TCN2: variants seen among roughly 807,000 people sequenced by gnomAD.
TCN2 encodes the protein transcobalamin-2.
In TCN2, 34 loss-of-function variants were observed where a neutral mutation model predicts 48.6. That is an observed-to-expected ratio of 0.70 (90% CI 0.53 to 0.93). The LOEUF (loss-of-function observed/expected upper bound fraction) is 0.93, where lower values mean the gene tolerates loss of function less well. TCN2 is among the 40% of genes least tolerant of loss of function. The pLI is 0.00. For missense variants in TCN2, 652 were observed against 526.1 expected, an observed-to-expected ratio of 1.24 and a Z score of -2.34; for synonymous variants, 283 against 212.5, an observed-to-expected ratio of 1.33 and a Z score of -2.89.
At position 30,611,032 on chromosome 22, in the gene TCN2, C is replaced by T; in HGVS notation, c.226C>T (p.Leu76Phe). The T allele has an allele frequency of 6.2e-7, 1 of 1,614,102 alleles. No homozygotes were observed. The highest frequency in any genetic ancestry group is 8.5e-7 in the Non-Finnish European group (1 of 1,179,982). Residue 76 changes from leucine (L) to phenylalanine (F), a missense_variant, in exon 2 of 9, where the codon CTC becomes TTC. Physicochemically the swap from Leu to Phe is conservative, Grantham distance 22. Coordinates refer to ENST00000215838, the MANE Select transcript of TCN2 (RefSeq NM_000355.4). ...CAAGGAAGACCTCTACCTGCACAGCCTCAAGCTTGGTTACCAGCAGTGCCT... is the reference window on the plus strand; with the variant it reads ...CAAGGAAGACCTCTACCTGCACAGCTTCAAGCTTGGTTACCAGCAGTGCCT... Reference protein sequence around the residue: ...GTKEDLYLHSLKLGYQQCLLG... With the variant: ...GTKEDLYLHSFKLGYQQCLLG...
At chr22:30,620,831 G>A (rs1223133792) in intron 7 of TCN2, among the ~76,000 whole-genome samples, 1 of 152,208 alleles carries the variant, frequency 6.6e-6, no homozygotes, top group East Asian at 1.9e-4. Flanking sequence ...TGAATGCACA[G>A]CAGAGAAAGC....
chr22:30,626,855 T>C lies in TCN2; in HGVS notation c.*334T>C. On this transcript the variant is annotated 3_prime_UTR_variant, in exon 9 of 9. Coordinates refer to ENST00000215838, the MANE Select transcript of TCN2 (RefSeq NM_000355.4). ...AAAAACGGAGTCCGCAGGCCGCAGG[T>C]GTTGTGAAGACCACTCGTTCTGTGG... 2 of 435,182 alleles carry C rather than the reference T, an allele frequency of 4.6e-6. No individual in the cohort carries two copies. Among genetic ancestry groups the C allele is most frequent in the Non-Finnish European group, 4.3e-6 (1 of 232,302 alleles). 27.0% of individuals were successfully genotyped at this position (435,182 alleles called of 1,614,324 possible).
At chr22:30,612,063 C>T (rs955604001) in intron 2 of TCN2, among the ~76,000 whole-genome samples, 1 of 151,668 alleles carries the variant, frequency 6.6e-6, no homozygotes, top group Non-Finnish European at 1.5e-5. Context: ...ATAGTGAGAC[C>T]ACATCTCTTA....
At position 30,623,022 on chromosome 22, in the gene TCN2, A is replaced by G. The variant is rs939944340; in HGVS notation, c.1161A>G (p.Lys387=). The G allele has an allele frequency of 6.2e-7, 1 of 1,614,002 alleles. No individual in the cohort carries two copies. Among genetic ancestry groups the G allele is most frequent in the Non-Finnish European group, 8.5e-7 (1 of 1,180,004 alleles). ...SGPYLTSVMG[K]AAGEREFWQL... is the part of the protein sequence containing the mutation. Reference sequence around the variant, plus strand: ...CCTACTTAACCTCCGTGATGGGGAAAGCGGCCGGAGAAAGGGAGTTCTGGC... The same window carrying G: ...CCTACTTAACCTCCGTGATGGGGAAGGCGGCCGGAGAAAGGGAGTTCTGGC... Residue 387 remains lysine (K), a synonymous_variant, in exon 8 of 9, where the codon AAA becomes AAG. Coordinates refer to ENST00000215838, the MANE Select transcript of TCN2 (RefSeq NM_000355.4).
At chr22:30,613,664 C>T (rs1300190090) in intron 3 of TCN2, among the ~76,000 whole-genome samples, 1 of 152,178 alleles carries the variant, frequency 6.6e-6, no homozygotes, top group Non-Finnish European at 1.5e-5. Flanking sequence ...TTATGACTTA[C>T]GCCATAGTCT....
intron 6 of TCN2, among the ~76,000 whole-genome samples, chr22:30,616,335 T>A (rs1234099286): frequency 6.6e-6 from 1 of 151,838 alleles, no homozygotes; most frequent in Non-Finnish European, 1.5e-5. Flanking sequence ...TACAAAAAAG[T>A]AGCTGGGTGT....
At chr22:30,611,320 CTT>C (rs1491426442) in intron 2 of TCN2, among the ~76,000 whole-genome samples, 6 of 151,652 alleles carry the variant, frequency 4.0e-5, no homozygotes, top group Admixed American at 1.3e-4. Flanking sequence ...TGACTATACT[CTT>C]TGATGATGAG....
At chr22:30,613,107 A>C in intron 3 of TCN2, 65 bp downstream of exon 3, 1 of 1,581,382 alleles carries the variant, frequency 6.3e-7, no homozygotes, top group Non-Finnish European at 8.6e-7. Flanking sequence ...GATATTCTCC[A>C]ATGAGAATCA....
chr22:30,614,764 C>T (rs1031795145), intron 4 of TCN2, among the ~76,000 whole-genome samples: 3 of 152,126 alleles, frequency 2.0e-5, no homozygotes, highest in Admixed American at 1.3e-4. Flanking sequence ...AAAAAGTTAG[C>T]CGGGCATGGT....
chr22:30,614,939 C>T (rs976403847), intron 4 of TCN2, among the ~76,000 whole-genome samples: 1 of 152,042 alleles, frequency 6.6e-6, no homozygotes, highest in Admixed American at 6.6e-5. Context: ...AATAAAACTC[C>T]CCTAGTGATT....
At chr22:30,620,736 G>T (rs2087685359) in intron 7 of TCN2, among the ~76,000 whole-genome samples, 1 of 152,194 alleles carries the variant, frequency 6.6e-6, no homozygotes, top group South Asian at 2.1e-4. Context: ...AGACACTGTG[G>T]ACTCCAGTCT....
intron 5 of TCN2, 24 bp from the exon 6 acceptor site, chr22:30,615,577 C>G (rs376138696): frequency 1.2e-6 from 2 of 1,614,078 alleles, no homozygotes; most frequent in Non-Finnish European, 8.5e-7. Flanking sequence ...GACTTCCTCT[C>G]TCTCTTCCTC....
At chr22:30,614,624 C>T in intron 4 of TCN2, 123 bp downstream of exon 4, 1 of 1,414,458 alleles carries the variant, frequency 7.1e-7, no homozygotes, top group Admixed American at 1.9e-5. Context: ...GAATCAAGTC[C>T]TTTAGGGACG....
rs1261718498 is a variant in TCN2, at chr22:30,615,461, A to G, written c.741A>G (p.Pro247=). The G allele has an allele frequency of 3.7e-6, 6 of 1,614,038 alleles. No homozygotes were observed. The Admixed American group carries it at 5.0e-5, about 13-fold the overall frequency. ...EGHFGNVYST[P]LALQFLMTSP... The stretch of plus-strand genomic sequence containing the variant: ...ACTTTGGGAATGTCTACAGCACCCC[A>G]TTGGCATTACAGGTGGGAAAGAGAC... Residue 247 remains proline, a synonymous_variant, in exon 5 of 9, where the codon CCA becomes CCG. Transcript: ENST00000215838.
chr22:30,622,652 T>A (rs1485577800), intron 7 of TCN2, among the ~76,000 whole-genome samples: 1 of 152,156 alleles, frequency 6.6e-6, no homozygotes, highest in African/African-American at 2.4e-5. Context: ...AGCTTCTGAT[T>A]CTCATCCCCC....
In TCN2 at chr22:30,623,945, C is replaced by T. The variant is rs5753248; in HGVS notation, c.1222+862C>T. On this transcript the variant is annotated intron_variant, in intron 8 of 8. Transcript: ENST00000215838. Reference sequence around the variant, plus strand: ...ATATATGTATACATATATACACACACACATATGTATACATATATACACACA... The same window carrying T: ...ATATATGTATACATATATACACACATACATATGTATACATATATACACACA... 7.7e-3 allele frequency among the ~76,000 whole-genome samples: 245 copies of T among 31,858 alleles called. 45 individuals are homozygous for T. The highest frequency in any genetic ancestry group is 0.024 in the Middle Eastern group (2 of 84). The allele number at this position is 31,858 out of a possible 152,430, so 20.9% of individuals were successfully genotyped here. A position where few individuals can be genotyped will look rare whatever the true frequency, so the allele number is the denominator to read the frequency against.
intron 7 of TCN2, among the ~76,000 whole-genome samples, chr22:30,621,181 T>C (rs1011774870): frequency 6.6e-6 from 1 of 152,008 alleles, no homozygotes; most frequent in Non-Finnish European, 1.5e-5. Flanking sequence ...TTAGTAGAAA[T>C]AGGGTTTCAC....
intron 8 of TCN2, 145 bp from the exon 9 acceptor site, chr22:30,626,315 C>T: frequency 1.2e-6 from 1 of 826,014 alleles, no homozygotes; most frequent in Non-Finnish European, 2.0e-6. Context: ...TTTGAGCAGG[C>T]TTTAGGGAGG....
intron 8 of TCN2, among the ~76,000 whole-genome samples, chr22:30,623,721 CATATATATGTATACAT>C (rs2087735934): frequency 2.2e-5 from 3 of 138,200 alleles, no homozygotes; most frequent in Non-Finnish European, 4.6e-5. Context: ...TACAGACACA[CATATATATGTATACAT>C]ATATATACAC....
Sources: allele counts gnomAD v4.1 joint callset (sites outside exome capture counted in the v4.1 genomes callset), GRCh38; gene constraint gnomAD v4.1.1; transcripts MANE v1.5; gene names NCBI Gene and HGNC (gene_info 2026-07-23, HGNC 2026-07-21).